DNM1: variants seen among roughly 807,000 people sequenced by gnomAD.
DNM1 encodes the protein dynamin 1.
DNM1 carries 29 observed loss-of-function variants against 104.6 expected under a neutral mutation model. That is an observed-to-expected ratio of 0.28 (90% CI 0.21 to 0.38). DNM1 has a LOEUF of 0.38. Ranked by LOEUF, DNM1 falls within the 10% of genes least tolerant of loss-of-function variation. DNM1 has a pLI of 1.00. For missense variants in DNM1, 640 were observed against 1,189.4 expected, an observed-to-expected ratio of 0.54 and a Z score of 6.79; for synonymous variants, 445 against 475.8, an observed-to-expected ratio of 0.94 and a Z score of 0.84.
rs781688930 is a variant in DNM1, at chr9:128,248,057, A to G, written c.1905+122A>G. The G allele has an allele frequency of 1.5e-6, 2 of 1,347,368 alleles. No individual in the cohort carries two copies. The highest frequency in any genetic ancestry group is 1.2e-5 in the South Asian group (1 of 85,634). The allele number at this position is 1,347,368 out of a possible 1,614,324, so 83.5% of individuals were successfully genotyped here. Reference sequence around the variant, plus strand: ...TAATTTCTGGATTGGGGCCAGGCGCAGTGGCTCACACCTGTAAACCCAACA... The same window carrying G: ...TAATTTCTGGATTGGGGCCAGGCGCGGTGGCTCACACCTGTAAACCCAACA... On this transcript the variant is annotated intron_variant, in intron 18 of 21. Transcript: ENST00000372923. This position sits in a 1 kb window ranked among gnomAD's most constrained non-coding sequence, Gnocchi z 5.6.
chr9:128,253,759 A>G lies in DNM1; in HGVS notation c.2535-895A>G, dbSNP rs1363749416. 1 of 398,058 alleles carries G rather than the reference A, an allele frequency of 2.5e-6. No individual in the cohort carries two copies. The highest frequency in any genetic ancestry group is 4.0e-5 in the East Asian group (1 of 24,716). 24.7% of individuals were successfully genotyped at this position (398,058 alleles called of 1,614,324 possible). On this transcript the variant is annotated intron_variant, in intron 21 of 21. Coordinates refer to ENST00000372923, the MANE Select transcript of DNM1 (RefSeq NM_004408.4). This position sits in a 1 kb window ranked among gnomAD's most constrained non-coding sequence, Gnocchi z 5.9. ...CATACCTCACAGGCCAGGCAGGGAC[A>G]CACAGCCCCCTTCCCTCCCTCCCAG...
Position 128,253,019 on chromosome 9 carries a change from T to C in DNM1, c.2535-1635T>C, listed in dbSNP as rs1224093164. 11 of 1,377,024 alleles carry C rather than the reference T, an allele frequency of 8.0e-6. No homozygotes were observed. Among genetic ancestry groups the C allele is most frequent in the African/African-American group, 1.4e-5 (1 of 70,370 alleles). The allele number at this position is 1,377,024 out of a possible 1,614,324, so 85.3% of individuals were successfully genotyped here. ...CAGCATGTGTGTGCACGCCCGGGCG[T>C]GTGCGTGTGTGTGTCCCCCACCCCC... is the stretch of plus-strand genomic sequence containing the variant. On this transcript the variant is annotated intron_variant, in intron 21 of 21. Transcript: ENST00000372923. This position sits in a 1 kb window ranked among gnomAD's most constrained non-coding sequence, Gnocchi z 5.9.
chr9:128,248,533 G>A lies in DNM1; in HGVS notation c.1906-50G>A, dbSNP rs1196022535. On this transcript the variant is annotated intron_variant, in intron 18 of 21. Transcript: ENST00000372923. The surrounding 1 kb of genome is among the most constrained non-coding windows in gnomAD (Gnocchi z 5.6). ...GGCTGAGATCCTGGGGATGCCTGGA[G>A]CCTGGCTGCATGGCCTGGCCACCTG... is the stretch of plus-strand genomic sequence containing the variant. The A allele has an allele frequency of 6.3e-7, 1 of 1,593,976 alleles. No individual in the cohort carries two copies. The highest frequency in any genetic ancestry group is 8.6e-7 in the Non-Finnish European group (1 of 1,165,736).
At chr9:128,229,406 G>A (rs1321170772) in intron 10 of DNM1, among the ~76,000 whole-genome samples, 1 of 151,842 alleles carries the variant, frequency 6.6e-6, no homozygotes, top group Non-Finnish European at 1.5e-5. Flanking sequence ...AGACCAGCCT[G>A]GGCAACATAG....
intron 10 of DNM1, among the ~76,000 whole-genome samples, chr9:128,229,741 C>T (rs760197153): frequency 3.3e-5 from 5 of 151,874 alleles, no homozygotes; most frequent in African/African-American, 1.2e-4. Context: ...TAGTGAAACC[C>T]GTCTCTACTA....
intron 1 of DNM1, among the ~76,000 whole-genome samples, chr9:128,217,591 T>C (rs886182366): frequency 6.6e-6 from 1 of 152,184 alleles, no homozygotes; most frequent in Non-Finnish European, 1.5e-5. Context: ...AATTTTTTTG[T>C]ATTTTTAGTA....
In DNM1 at chr9:128,254,764, G is replaced by A. The variant is rs150365327; in HGVS notation, c.*50G>A. Reference sequence around the variant, plus strand: ...CCTCCCTTTCCAAGCCTGCCTGGACGGCTGTTCTGTGACTTGACAGTGGCT... The same window carrying A: ...CCTCCCTTTCCAAGCCTGCCTGGACAGCTGTTCTGTGACTTGACAGTGGCT... On this transcript the variant is annotated 3_prime_UTR_variant, in exon 22 of 22. Transcript: ENST00000372923. This position sits in a 1 kb window ranked among gnomAD's most constrained non-coding sequence, Gnocchi z 6.1. 6.7e-5 allele frequency: 102 copies of A among 1,531,168 alleles called. No individual in the cohort carries two copies. In the East Asian group the frequency reaches 9.9e-4, roughly 15 times the overall value. 94.8% of individuals were successfully genotyped at this position (1,531,168 alleles called of 1,614,324 possible).
rs1205810626 is a variant in DNM1, at chr9:128,250,605, G to A, written c.2319-120G>A. 6.7e-6 allele frequency: 7 copies of A among 1,042,570 alleles called. No individual in the cohort carries two copies. In the South Asian group the frequency reaches 1.3e-4, roughly 19 times the overall value. The allele number at this position is 1,042,570 out of a possible 1,614,324, so 64.6% of individuals were successfully genotyped here. On this transcript the variant is annotated intron_variant, in intron 20 of 21. Transcript: ENST00000372923. ...TTAAGCTCCGGCGACCGCCTTAGGG[G>A]TGCGGCAGGGAGGGGCTTGCGTGCA...
intron 4 of DNM1, 104 bp downstream of exon 4, chr9:128,219,356 T>C: frequency 1.9e-6 from 2 of 1,048,412 alleles, no homozygotes; most frequent in South Asian, 2.8e-5. Context: ...AGCGGTGGGA[T>C]CAGATTTGTA....
intron 4 of DNM1, 24 bp downstream of exon 4, chr9:128,219,276 T>C: frequency 6.2e-7 from 1 of 1,601,886 alleles, no homozygotes; most frequent in South Asian, 1.1e-5. Flanking sequence ...CGGTGGCCAA[T>C]GCACAAAACC....
chr9:128,253,026 G>A lies in DNM1; in HGVS notation c.2535-1628G>A. 7.5e-6 allele frequency: 11 copies of A among 1,457,178 alleles called. No individual in the cohort carries two copies. The highest frequency in any genetic ancestry group is 1.1e-5 in the South Asian group (1 of 87,820). The allele number at this position is 1,457,178 out of a possible 1,614,324, so 90.3% of individuals were successfully genotyped here. A position where few individuals can be genotyped will look rare whatever the true frequency, so the allele number is the denominator to read the frequency against. ...TGTGTGCACGCCCGGGCGTGTGCGT[G>A]TGTGTGTCCCCCACCCCCAGGCCGG... On this transcript the variant is annotated intron_variant, in intron 21 of 21. Coordinates refer to ENST00000372923, the MANE Select transcript of DNM1 (RefSeq NM_004408.4). The surrounding 1 kb of genome is among the most constrained non-coding windows in gnomAD (Gnocchi z 5.9).
intron 1 of DNM1, among the ~76,000 whole-genome samples, chr9:128,205,644 C>T (rs549745523): frequency 2.0e-5 from 3 of 152,280 alleles, no homozygotes; most frequent in East Asian, 3.9e-4. Flanking sequence ...CGCTGACAGC[C>T]GCTGCCCTGC....
At position 128,224,412 on chromosome 9, in the gene DNM1, C is replaced by T. The variant is rs1236867165; in HGVS notation, c.1335+23C>T. On this transcript the variant is annotated intron_variant, in intron 10 of 21. Transcript: ENST00000372923. The surrounding 1 kb of genome is among the most constrained non-coding windows in gnomAD (Gnocchi z 4.3). ...AAGGTAACCCGGAGGCCCGGGCCAG[C>T]CCCCACCGCCTCTGCCCCGCCCTGC... is the stretch of plus-strand genomic sequence containing the variant. 1 of 1,599,758 alleles carries T rather than the reference C, an allele frequency of 6.3e-7. No homozygotes were observed. The highest frequency in any genetic ancestry group is 1.7e-5 in the Admixed American group (1 of 59,344).
At position 128,222,942 on chromosome 9, in the gene DNM1, C is replaced by T; in HGVS notation, c.1196+82C>T. On this transcript the variant is annotated intron_variant, in intron 9 of 21. Transcript: ENST00000372923. The surrounding 1 kb of genome is among the most constrained non-coding windows in gnomAD (Gnocchi z 7.8). ...GAGGCACAGGGAGTGATGAAGTGGG[C>T]CTCCCTCAGGAAGGACTGAAAGCTC... 1 of 1,352,130 alleles carries T rather than the reference C, an allele frequency of 7.4e-7. No homozygotes were observed. The highest frequency in any genetic ancestry group is 1.1e-6 in the Non-Finnish European group (1 of 949,886). 83.8% of individuals were successfully genotyped at this position (1,352,130 alleles called of 1,614,324 possible).
At chr9:128,252,274 A>G (rs2131304586) in intron 21 of DNM1, 1 of 306,058 alleles carries the variant, frequency 3.3e-6, no homozygotes, top group Non-Finnish European at 6.4e-6. Context: ...ACCCAGGTCT[A>G]TGGTGCGGTG....
Position 128,254,354 on chromosome 9 carries a change from T to C in DNM1, c.2535-300T>C. 1 of 1,406,166 alleles carries C rather than the reference T, an allele frequency of 7.1e-7. No homozygotes were observed. Among genetic ancestry groups the C allele is most frequent in the East Asian group, 2.7e-5 (1 of 36,418 alleles). 87.1% of individuals were successfully genotyped at this position (1,406,166 alleles called of 1,614,324 possible). ...AGCCCGAGGGGGCCGAGCATCAGCC[T>C]GAATTGCGGGTGCCCTGCCTGGGTG... On this transcript the variant is annotated intron_variant, in intron 21 of 21. Transcript: ENST00000372923. This position sits in a 1 kb window ranked among gnomAD's most constrained non-coding sequence, Gnocchi z 6.1.
At chr9:128,229,600 CAAAAAAAAAAAAA>C (rs56072236) in intron 10 of DNM1, among the ~76,000 whole-genome samples, 3 of 66,676 alleles carry the variant, frequency 4.5e-5, no homozygotes, top group Non-Finnish European at 7.9e-5. Context: ...AAAACCTTAT[CAAAAAAAAAAAAA>C]AAAAAAAAAA....
At chr9:128,219,878 C>A in intron 4 of DNM1, 110 bp from the exon 5 acceptor site, 1 of 713,204 alleles carries the variant, frequency 1.4e-6, no homozygotes, top group Non-Finnish European at 2.3e-6. Context: ...AGAGAGGAGG[C>A]AGTGAGCAGG....
At position 128,220,124 on chromosome 9, in the gene DNM1, T is replaced by TC. The variant is rs1834855739; in HGVS notation, c.688+42dup. On this transcript the variant is annotated intron_variant, in intron 5 of 21. Coordinates refer to ENST00000372923, the MANE Select transcript of DNM1 (RefSeq NM_004408.4). This position sits in a 1 kb window ranked among gnomAD's most constrained non-coding sequence, Gnocchi z 5.2. ...TGCCCCTCAACCACTCCCCAGCCCT[T>TC]CCCCACCCTTCCCCTCCTCTTGAGG... 6.2e-7 allele frequency: 1 copy of TC among 1,612,590 alleles called. No homozygotes were observed. The highest frequency in any genetic ancestry group is 1.3e-5 in the African/African-American group (1 of 74,876).
Sources: allele counts gnomAD v4.1 joint callset (sites outside exome capture counted in the v4.1 genomes callset), GRCh38; gene constraint gnomAD v4.1.1; non-coding constraint Gnocchi (gnomAD v3.1); transcripts MANE v1.5; gene names NCBI Gene and HGNC (gene_info 2026-07-23, HGNC 2026-07-21).